Variants in CNN3 observed in about 807,000 individuals in gnomAD.
CNN3 encodes calponin 3.
CNN3 carries 11 observed loss-of-function variants against 39.0 expected under a neutral mutation model. That is an observed-to-expected ratio of 0.28 (90% CI 0.18 to 0.47). CNN3 has a LOEUF of 0.47. Among genes scored for constraint, CNN3 ranks in the 20% least tolerant of loss-of-function variants. The pLI, the probability that CNN3 is intolerant of heterozygous loss-of-function variation, is 0.99. For missense variants in CNN3, 266 were observed against 403.4 expected (o/e 0.66, Z 2.92); for synonymous variants, 101 against 138.3 (o/e 0.73, Z 1.89).
intron 1 of CNN3, among the ~76,000 whole-genome samples, chr1:94,912,101 A>G (rs1671181821): frequency 6.6e-6 from 1 of 152,210 alleles, no homozygotes; most frequent in Non-Finnish European, 1.5e-5. Flanking sequence ...ATTAAAGAGG[A>G]GCTGGTCCAG....
At chr1:94,899,271 T>C (rs1670801064) in intron 6 of CNN3, 100 bp downstream of exon 6, 1 of 1,247,780 alleles carries the variant, frequency 8.0e-7, no homozygotes, top group South Asian at 1.8e-5. Context: ...TGAAGGAATA[T>C]ACTCTAAATA....
At chr1:94,898,296 T>A (rs1386852949) in intron 6 of CNN3, among the ~76,000 whole-genome samples, 1 of 152,202 alleles carries the variant, frequency 6.6e-6, no homozygotes, top group Non-Finnish European at 1.5e-5. Flanking sequence ...GAGACCTTTC[T>A]TCAAAATCCT....
intron 1 of CNN3, among the ~76,000 whole-genome samples, chr1:94,905,494 G>A (rs867130167): frequency 1.4e-4 from 21 of 152,278 alleles, no homozygotes; most frequent in Middle Eastern, 3.4e-3. Flanking sequence ...TTGACTGAGA[G>A]AGGGCAAATG....
At chr1:94,917,685 C>A (rs1557914865) in intron 1 of CNN3, among the ~76,000 whole-genome samples, 2 of 152,212 alleles carry the variant, frequency 1.3e-5, no homozygotes, top group Non-Finnish European at 2.9e-5. Context: ...AGTGAATAAT[C>A]AGTGGAAATC....
chr1:94,914,202 A>G (rs12067920), intron 1 of CNN3, among the ~76,000 whole-genome samples: 16,399 of 152,168 alleles, frequency 0.11, 1,140 homozygotes, highest in African/African-American at 0.2. Context: ...CCCTTGAGTC[A>G]GGAGCATGGG....
At chr1:94,905,173 C>A (rs959926956) in intron 1 of CNN3, among the ~76,000 whole-genome samples, 1 of 152,146 alleles carries the variant, frequency 6.6e-6, no homozygotes, top group Non-Finnish European at 1.5e-5. Context: ...ACCTGGCCAG[C>A]TTACCTGTAA....
chr1:94,922,548 TA>T, intron 1 of CNN3, among the ~76,000 whole-genome samples: 1 of 152,300 alleles, frequency 6.6e-6, no homozygotes, highest in East Asian at 1.9e-4. Flanking sequence ...AGATTTTAAT[TA>T]AAAACCAATT....
chr1:94,912,189 A>G (rs1292498836), intron 1 of CNN3, among the ~76,000 whole-genome samples: 1 of 152,258 alleles, frequency 6.6e-6, no homozygotes, highest in African/African-American at 2.4e-5. Flanking sequence ...CTCTGTCTAG[A>G]AAATGACCTT....
intron 1 of CNN3, among the ~76,000 whole-genome samples, chr1:94,917,029 ATTTT>A (rs1671301958): frequency 6.6e-6 from 1 of 151,822 alleles, no homozygotes; most frequent in Non-Finnish European, 1.5e-5. Context: ...AGCTTCCTGG[ATTTT>A]TTGTTTGTTT....
chr1:94,913,613 A>G (rs1671217446), intron 1 of CNN3, among the ~76,000 whole-genome samples: 1 of 152,238 alleles, frequency 6.6e-6, no homozygotes, highest in Non-Finnish European at 1.5e-5. Context: ...GAAGGAGTAA[A>G]CTAGGTGGGG....
chr1:94,920,613 T>C (rs1355885127), intron 1 of CNN3, among the ~76,000 whole-genome samples: 1 of 152,196 alleles, frequency 6.6e-6, no homozygotes, highest in African/African-American at 2.4e-5. Flanking sequence ...TATCCTCATT[T>C]TACATACAAG....
intron 6 of CNN3, 139 bp downstream of exon 6, chr1:94,899,228 ATTAT>A: frequency 1.1e-6 from 1 of 881,396 alleles, no homozygotes. Flanking sequence ...AGGTCTTTTG[ATTAT>A]TTTGCTTTCC....
chr1:94,902,611 T>C (rs1335008651), intron 3 of CNN3, among the ~76,000 whole-genome samples: 1 of 152,238 alleles, frequency 6.6e-6, no homozygotes, highest in African/African-American at 2.4e-5. Flanking sequence ...TAATAAATAA[T>C]TCATTATGTG....
At chr1:94,922,440 T>A (rs1325497956) in intron 1 of CNN3, among the ~76,000 whole-genome samples, 1 of 152,222 alleles carries the variant, frequency 6.6e-6, no homozygotes, top group African/African-American at 2.4e-5. Flanking sequence ...ATATGCTATG[T>A]GCTAAACTAT....
intron 1 of CNN3, among the ~76,000 whole-genome samples, chr1:94,923,931 C>CACA (rs1671512151): frequency 6.6e-6 from 1 of 152,140 alleles, no homozygotes; most frequent in African/African-American, 2.4e-5. Context: ...TGTCAAGTAG[C>CACA]TAGCCCAGCA....
intron 6 of CNN3, among the ~76,000 whole-genome samples, chr1:94,898,793 C>T (rs138941338): frequency 2.6e-5 from 4 of 152,244 alleles, no homozygotes; most frequent in East Asian, 1.9e-4. Context: ...CCCTTGGACT[C>T]GGTAAGAAAA....
At chr1:94,899,154 A>C (rs1343023166) in intron 6 of CNN3, among the ~76,000 whole-genome samples, 5 of 152,200 alleles carry the variant, frequency 3.3e-5, no homozygotes, top group African/African-American at 9.6e-5. Flanking sequence ...CTAGGTAGAA[A>C]GGCCAGCTGT....
At chr1:94,925,902 G>T in intron 1 of CNN3, 3 of 800,042 alleles carry the variant, frequency 3.7e-6, no homozygotes, top group Non-Finnish European at 4.5e-6. Flanking sequence ...GATGTCATGG[G>T]CTTGGAATGC....
intron 1 of CNN3, among the ~76,000 whole-genome samples, chr1:94,908,246 A>C (rs1671061233): frequency 6.6e-6 from 1 of 152,216 alleles, no homozygotes; most frequent in Non-Finnish European, 1.5e-5. Flanking sequence ...GGCATAGGAT[A>C]CAGCTGATCC....
Sources: gnomAD v4.1 joint callset for allele counts (sites outside exome capture counted in the v4.1 genomes callset) on GRCh38, gnomAD v4.1.1 for gene constraint, MANE v1.5 for transcripts, NCBI Gene and HGNC (gene_info 2026-07-23, HGNC 2026-07-21) for gene names.